ZNF680: variants seen among roughly 807,000 people sequenced by gnomAD.
The protein encoded by ZNF680 is hypothetical protein FLJ90430.
In ZNF680, 6 loss-of-function variants were observed where a neutral mutation model predicts 12.1. The ratio of observed to expected loss-of-function variants is 0.49; its 90% CI spans 0.27 to 0.98. ZNF680 has a LOEUF of 0.98. ZNF680 is among the 50% of genes least tolerant of loss of function. The probability of loss-of-function intolerance (pLI) is 0.12; values close to 1 mark genes in which losing one functional copy is unlikely to be tolerated. For synonymous variants in ZNF680, 170 were observed against 199.3 expected (o/e 0.85, Z 1.24); for missense variants, 561 against 616.3 (o/e 0.91, Z 0.95).
chr7:64,504,448 A>G, the ZNF680 span, among the ~76,000 whole-genome samples: 29 of 152,268 alleles, frequency 1.9e-4, no homozygotes, highest in African/African-American at 7.0e-4. Context: ...TCTCATTCAT[A>G]TGTTTTATGG....
chr7:64,515,598 T>TA (rs933883307), downstream of ZNF680, among the ~76,000 whole-genome samples: 2 of 151,520 alleles, frequency 1.3e-5, no homozygotes, highest in African/African-American at 2.4e-5. Flanking sequence ...CAGGCACCAA[T>TA]AAAAAAACAG....
At chr7:64,507,594 C>T in the ZNF680 span, among the ~76,000 whole-genome samples, 17 of 151,470 alleles carry the variant, frequency 1.1e-4, no homozygotes, top group Non-Finnish European at 1.5e-4. Context: ...CTCTGTCTCC[C>T]GGGTTCACGT....
chr7:64,502,453 TTAGAAG>T, the ZNF680 span, among the ~76,000 whole-genome samples: 11 of 152,182 alleles, frequency 7.2e-5, no homozygotes, highest in African/African-American at 2.6e-4. Context: ...AGCAGCTGAG[TTAGAAG>T]TATGTGTGTT....
At chr7:64,541,775 C>T (rs549963081) in intron 3 of ZNF680, among the ~76,000 whole-genome samples, 1 of 152,184 alleles carries the variant, frequency 6.6e-6, no homozygotes, top group African/African-American at 2.4e-5. Flanking sequence ...TGGGAGAGAC[C>T]GTGCCCTTCC....
chr7:64,537,979 G>C (rs1371613368), intron 3 of ZNF680, among the ~76,000 whole-genome samples: 2 of 151,706 alleles, frequency 1.3e-5, no homozygotes, highest in East Asian at 3.9e-4. Context: ...GCCCAGAAAA[G>C]AACGCTTTTG....
At chr7:64,508,520 C>T in the ZNF680 span, among the ~76,000 whole-genome samples, 1,399 of 152,238 alleles carry the variant, frequency 9.2e-3, 12 homozygotes, top group Non-Finnish European at 0.016. Context: ...CCTGTACACT[C>T]GCTACGTGAC....
At chr7:64,513,306 T>TA in the ZNF680 span, among the ~76,000 whole-genome samples, 1 of 150,666 alleles carries the variant, frequency 6.6e-6, no homozygotes, top group Non-Finnish European at 1.5e-5. Flanking sequence ...TGCCTAAAAA[T>TA]AAAAAAAGTC....
At chr7:64,547,823 TAAAAATA>T (rs1341606208) in intron 1 of ZNF680, among the ~76,000 whole-genome samples, 2 of 152,188 alleles carry the variant, frequency 1.3e-5, no homozygotes, top group Non-Finnish European at 1.5e-5. Flanking sequence ...CTGGTTTTTA[TAAAAATA>T]AAAAATTAAG....
In ZNF680 at chr7:64,544,413, T is replaced by C; in HGVS notation, c.50A>G (p.Asp17Gly). 6.3e-7 allele frequency: 1 copy of C among 1,598,604 alleles called. No homozygotes were observed. The highest frequency in any genetic ancestry group is 8.5e-7 in the Non-Finnish European group (1 of 1,171,608). The change falls in exon 2 of 4, where the codon GAT becomes GGT. Residue 17 changes from aspartate to glycine, a missense_variant. Transcript: ENST00000309683. ...CTCCAGAGAGAATTCTATGGCCACA[T>C]CCCTAAATGTCAGTGGTCCCTGAAA... is the stretch of plus-strand genomic sequence containing the variant. The part of the protein sequence containing the change: ...SLEMGPLTFR[D>G]VAIEFSLEEW...
downstream of ZNF680, among the ~76,000 whole-genome samples, chr7:64,518,022 A>G (rs1791389334): frequency 6.6e-6 from 1 of 152,110 alleles, no homozygotes; most frequent in South Asian, 2.1e-4. Context: ...GAAAACAGGA[A>G]CAACACCAGG....
At chr7:64,532,275 A>G (rs888815168) in intron 3 of ZNF680, among the ~76,000 whole-genome samples, 2 of 151,934 alleles carry the variant, frequency 1.3e-5, no homozygotes, top group African/African-American at 4.8e-5. Context: ...ACTGCACTCC[A>G]GCCTGGGCAA....
the ZNF680 span, chr7:64,500,797 T>C: frequency 2.9e-6 from 1 of 348,076 alleles, no homozygotes; most frequent in African/African-American, 2.2e-5. Context: ...CTCCTGTTTT[T>C]GGCTTTGTGG....
At chr7:64,558,172 T>C (rs189009964) in intron 1 of ZNF680, among the ~76,000 whole-genome samples, 8 of 151,958 alleles carry the variant, frequency 5.3e-5, no homozygotes, top group Admixed American at 3.3e-4. Context: ...GAACCGTTGG[T>C]TGGTGGAGGA....
At chr7:64,545,289 A>G (rs1474125434) in intron 1 of ZNF680, among the ~76,000 whole-genome samples, 1 of 139,142 alleles carries the variant, frequency 7.2e-6, no homozygotes, top group African/African-American at 2.8e-5. Context: ...AAAAAAAAAA[A>G]AAAGATCCTG....
At position 64,521,624 on chromosome 7, in the gene ZNF680, G is replaced by A. The variant is rs772272500; in HGVS notation, c.1130C>T (p.Ser377Phe). The A allele has an allele frequency of 1.9e-6, 3 of 1,612,110 alleles. No individual in the cohort carries two copies. Among genetic ancestry groups the A allele is most frequent in the Admixed American group, 3.3e-5 (2 of 59,954 alleles). Residue 377 changes from serine (S) to phenylalanine (F), a missense_variant, in exon 4 of 4, where the codon TCC becomes TTC. By Grantham distance (155) the Ser-to-Phe change is radical. Coordinates refer to ENST00000309683, the MANE Select transcript of ZNF680 (RefSeq NM_178558.5). ...RHKKIHTGEK[S>F]YKCEECGKAF... ...TTTGCCGCATTCTTCACATTTGTAG[G>A]ATTTCTCTCCAGTATGAATTTTCTT...
At chr7:64,537,818 T>A (rs963470463) in intron 3 of ZNF680, among the ~76,000 whole-genome samples, 5 of 151,892 alleles carry the variant, frequency 3.3e-5, no homozygotes, top group African/African-American at 9.7e-5. Context: ...TAGTCCCAGC[T>A]ATTTGGGAGG....
chr7:64,549,171 G>C (rs1786940592), intron 1 of ZNF680, among the ~76,000 whole-genome samples: 2 of 151,150 alleles, frequency 1.3e-5, no homozygotes, highest in Non-Finnish European at 2.9e-5. Context: ...TGGAGCTCCA[G>C]AATTTGGATC....
intron 3 of ZNF680, among the ~76,000 whole-genome samples, chr7:64,524,207 G>C (rs1360877901): frequency 1.3e-5 from 2 of 150,572 alleles, no homozygotes; most frequent in African/African-American, 4.9e-5. Flanking sequence ...GAGTGCAATG[G>C]TGAGATGTCA....
chr7:64,501,137 GGTCA>G, the ZNF680 span: 12 of 930,750 alleles, frequency 1.3e-5, no homozygotes, highest in Admixed American at 5.4e-5. Flanking sequence ...GCGATGTATG[GGTCA>G]GTAACAGAAC....
Sources: gnomAD v4.1 joint callset for allele counts (sites outside exome capture counted in the v4.1 genomes callset) on GRCh38, gnomAD v4.1.1 for gene constraint, MANE v1.5 for transcripts, NCBI Gene and HGNC (gene_info 2026-07-23, HGNC 2026-07-21) for gene names.